TNIK: variants seen among roughly 807,000 people sequenced by gnomAD.
TNIK encodes the protein TRAF2 and NCK-interacting protein kinase.
Under a neutral mutation model 191.3 loss-of-function variants are expected in TNIK, and 49 were observed. That is an observed-to-expected ratio of 0.26 (90% CI 0.20 to 0.32). The LOEUF (loss-of-function observed/expected upper bound fraction) is 0.32, where lower values mean the gene tolerates loss of function less well. TNIK is among the 10% of genes least tolerant of loss of function. The pLI is 1.00. For synonymous variants in TNIK, 594 were observed against 600.9 expected, an observed-to-expected ratio of 0.99 and a Z score of 0.17; for missense variants, 1,155 against 1,702.3, an observed-to-expected ratio of 0.68 and a Z score of 5.66.
At chr3:171,082,224 G>A (rs1481181024) in intron 27 of TNIK, 27 bp downstream of exon 27, 2 of 1,606,442 alleles carry the variant, frequency 1.2e-6, no homozygotes, top group Non-Finnish European at 1.7e-6. Flanking sequence ...GTATGGACCT[G>A]GGGGACTCAT....
intron 1 of TNIK, among the ~76,000 whole-genome samples, chr3:171,388,148 A>G (rs1258803409): frequency 6.6e-6 from 1 of 152,340 alleles, no homozygotes. Flanking sequence ...AAAGTACTCA[A>G]TACAAAGACT....
intron 2 of TNIK, among the ~76,000 whole-genome samples, chr3:171,300,924 C>T (rs1053430870): frequency 1.3e-5 from 2 of 152,098 alleles, no homozygotes; most frequent in East Asian, 3.8e-4. Context: ...CTCTGGTCTT[C>T]AGCAACCATC....
At chr3:171,199,701 T>C (rs973933704) in intron 4 of TNIK, among the ~76,000 whole-genome samples, 15 of 152,192 alleles carry the variant, frequency 9.9e-5, no homozygotes, top group Middle Eastern at 3.2e-3. Context: ...CTAACCACCC[T>C]GGGCTTAGCA....
chr3:171,443,246 C>T (rs1335161532), intron 1 of TNIK, among the ~76,000 whole-genome samples: 3 of 152,186 alleles, frequency 2.0e-5, no homozygotes, highest in Non-Finnish European at 4.4e-5. Context: ...GGTTCCACTG[C>T]TACCCAGAGT....
intron 1 of TNIK, among the ~76,000 whole-genome samples, chr3:171,419,992 A>G (rs1319067592): frequency 2.0e-5 from 3 of 152,232 alleles, no homozygotes; most frequent in Non-Finnish European, 2.9e-5. Flanking sequence ...GAGAAGAGGC[A>G]TGTCACTAAA....
In TNIK at chr3:171,228,138, T is replaced by A; in HGVS notation, c.180+27A>T. On this transcript the variant is annotated intron_variant, in intron 3 of 32. Coordinates refer to ENST00000436636, the MANE Select transcript of TNIK (RefSeq NM_015028.4). ...AAGTCAAGGAGCATCTGCATGGCTATTGAGATGGCAAAATAAAGACACTTA... is the reference window on the plus strand; with the variant it reads ...AAGTCAAGGAGCATCTGCATGGCTAATGAGATGGCAAAATAAAGACACTTA... 6 of 1,613,310 alleles carry A rather than the reference T, an allele frequency of 3.7e-6. No individual in the cohort carries two copies. In the South Asian group the frequency reaches 6.6e-5, roughly 18 times the overall value.
chr3:171,096,581 AG>A (rs1194425584), intron 22 of TNIK, among the ~76,000 whole-genome samples: 2 of 152,166 alleles, frequency 1.3e-5, no homozygotes, highest in African/African-American at 2.4e-5. Flanking sequence ...TGGTGACTTT[AG>A]CCTGCCCTCT....
chr3:171,180,860 A>G (rs1736565946), intron 7 of TNIK, among the ~76,000 whole-genome samples: 1 of 152,212 alleles, frequency 6.6e-6, no homozygotes. Flanking sequence ...TAAAATAATT[A>G]CTTCAGATTC....
intron 2 of TNIK, among the ~76,000 whole-genome samples, chr3:171,339,234 G>C (rs1284465614): frequency 2.0e-5 from 3 of 152,136 alleles, no homozygotes; most frequent in Non-Finnish European, 4.4e-5. Context: ...TCACTGTTTG[G>C]ACTAATATGG....
At chr3:171,212,836 G>C (rs1741000198) in intron 3 of TNIK, among the ~76,000 whole-genome samples, 1 of 152,198 alleles carries the variant, frequency 6.6e-6, no homozygotes, top group Non-Finnish European at 1.5e-5. Context: ...GAATAGTGAA[G>C]TGCTGACATT....
chr3:171,109,042 AAAGT>A lies in TNIK; in HGVS notation c.2285-884_2285-881del, dbSNP rs1448216161. ...AAGAACGAGGGGCTGAAGGAAATAA[AAAGT>A]AAGCCTGAACCAGACCAGAGAATTA... On this transcript the variant is annotated intron_variant, in intron 19 of 32. Coordinates refer to ENST00000436636, the MANE Select transcript of TNIK (RefSeq NM_015028.4). Among the ~76,000 whole-genome samples, 6 of 152,372 alleles carry A rather than the reference AAAGT, an allele frequency of 3.9e-5. No individual in the cohort carries two copies. In the East Asian group the frequency reaches 1.2e-3, roughly 29 times the overall value.
chr3:171,266,667 C>T (rs748062644), intron 2 of TNIK, among the ~76,000 whole-genome samples: 1 of 152,146 alleles, frequency 6.6e-6, no homozygotes, highest in African/African-American at 2.4e-5. Context: ...AAAACCTGAG[C>T]CTTTGCAGGA....
chr3:171,390,088 C>T (rs199998658), intron 1 of TNIK, among the ~76,000 whole-genome samples: 2 of 152,074 alleles, frequency 1.3e-5, no homozygotes, highest in Admixed American at 6.6e-5. Flanking sequence ...CTTCAGTTGC[C>T]AAGCCATTAT....
chr3:171,197,956 T>G (rs868688300), intron 4 of TNIK, among the ~76,000 whole-genome samples: 23 of 152,108 alleles, frequency 1.5e-4, no homozygotes, highest in African/African-American at 5.6e-4. Context: ...AAACAAAAAC[T>G]TGTACATGAG....
At chr3:171,115,562 G>A (rs756010696) in intron 18 of TNIK, among the ~76,000 whole-genome samples, 1 of 152,248 alleles carries the variant, frequency 6.6e-6, no homozygotes, top group African/African-American at 2.4e-5. Flanking sequence ...TTGACTGGGT[G>A]TTGTAGCAGG....
intron 2 of TNIK, among the ~76,000 whole-genome samples, chr3:171,346,701 G>A (rs1712259523): frequency 7.4e-6 from 1 of 134,900 alleles, no homozygotes; most frequent in Non-Finnish European, 1.6e-5. Context: ...GTGACATGGA[G>A]TTAATAACAG....
At chr3:171,331,467 A>G (rs1178476916) in intron 2 of TNIK, among the ~76,000 whole-genome samples, 1 of 152,198 alleles carries the variant, frequency 6.6e-6, no homozygotes. Context: ...GGTAAATTCA[A>G]TTTCAGATGA....
chr3:171,282,960 C>T (rs1386481159), intron 2 of TNIK, among the ~76,000 whole-genome samples: 4 of 152,018 alleles, frequency 2.6e-5, no homozygotes, highest in African/African-American at 4.8e-5. Flanking sequence ...AGCCTGGGCC[C>T]GCCTTATATT....
At chr3:171,232,056 G>A (rs1743719902) in intron 2 of TNIK, among the ~76,000 whole-genome samples, 1 of 151,982 alleles carries the variant, frequency 6.6e-6, no homozygotes, top group Admixed American at 6.6e-5. Context: ...TAAATTTGGG[G>A]GCAGTGCAAC....
Sources: gnomAD v4.1 joint callset for allele counts (sites outside exome capture counted in the v4.1 genomes callset) on GRCh38, gnomAD v4.1.1 for gene constraint, MANE v1.5 for transcripts, NCBI Gene and HGNC (gene_info 2026-07-23, HGNC 2026-07-21) for gene names.